Variants in PRDM16 observed in about 807,000 individuals in gnomAD.
PRDM16 encodes the protein histone-lysine N-methyltransferase PRDM16.
PRDM16 carries 23 observed loss-of-function variants against 110.6 expected under a neutral mutation model. The ratio of observed to expected loss-of-function variants is 0.21; its 90% CI spans 0.15 to 0.29. The LOEUF (loss-of-function observed/expected upper bound fraction) is 0.29, where lower values mean the gene tolerates loss of function less well. Among genes scored for constraint, PRDM16 ranks in the 10% least tolerant of loss-of-function variants. The probability of loss-of-function intolerance (pLI) is 1.00; values close to 1 mark genes in which losing one functional copy is unlikely to be tolerated. For synonymous variants in PRDM16, 799 were observed against 781.8 expected (o/e 1.02, Z -0.37); for missense variants, 1,615 against 1,794.3 (o/e 0.90, Z 1.81).
At position 3,244,688 on chromosome 1, in the gene PRDM16, A is replaced by G. The variant is rs1042199863; in HGVS notation, c.438+551A>G. On this transcript the variant is annotated intron_variant, in intron 3 of 16. Transcript: ENST00000270722. The surrounding 1 kb of genome is among the most constrained non-coding windows in gnomAD (Gnocchi z 4.1). ...CGGCTGGTGGACAAACATTAGGTCT[A>G]ACAGATCCAGAGGGAGAACCATGTG... Among the ~76,000 whole-genome samples, 7 of 152,084 alleles carry G rather than the reference A, an allele frequency of 4.6e-5. No homozygotes were observed. The highest frequency in any genetic ancestry group is 5.9e-5 in the Non-Finnish European group (4 of 68,020).
chr1:3,329,112 C>A (rs1239420951), intron 3 of PRDM16, among the ~76,000 whole-genome samples: 4 of 152,230 alleles, frequency 2.6e-5, no homozygotes, highest in African/African-American at 7.2e-5. Context: ...CCTCTGCCCC[C>A]AAGGGCCTCC....
chr1:3,179,649 G>A (rs78085061), intron 1 of PRDM16, among the ~76,000 whole-genome samples: 2,058 of 152,334 alleles, frequency 0.014, 85 homozygotes, highest in East Asian at 0.11. Flanking sequence ...CAGCAGGCCC[G>A]CATGGCACCG....
chr1:3,145,017 C>T (rs1347883994), intron 1 of PRDM16, among the ~76,000 whole-genome samples: 1 of 152,212 alleles, frequency 6.6e-6, no homozygotes, highest in Non-Finnish European at 1.5e-5. Flanking sequence ...GCCTCAGCCC[C>T]TCTGCCCACT....
chr1:3,237,357 C>A (rs996890352), intron 2 of PRDM16, among the ~76,000 whole-genome samples: 1 of 152,144 alleles, frequency 6.6e-6, no homozygotes, highest in Admixed American at 6.5e-5. Context: ...ACCTCCTGGG[C>A]TCCCCACCCC....
At position 3,274,949 on chromosome 1, in the gene PRDM16, T is replaced by TA. The variant is rs1371289095; in HGVS notation, c.438+30813dup. Among the ~76,000 whole-genome samples, 4 of 152,302 alleles carry TA rather than the reference T, an allele frequency of 2.6e-5. No homozygotes were observed. In the East Asian group the frequency reaches 5.8e-4, roughly 22 times the overall value. On this transcript the variant is annotated intron_variant, in intron 3 of 16. Transcript: ENST00000270722. Reference sequence around the variant, plus strand: ...GCTCTGGGGATGCAGGATGCACAGATATGCTGGGAACTTGCTCGAGATTTG... The same window carrying TA: ...GCTCTGGGGATGCAGGATGCACAGATAATGCTGGGAACTTGCTCGAGATTTG...
chr1:3,254,386 G>A (rs1172851539), intron 3 of PRDM16, among the ~76,000 whole-genome samples: 8 of 152,216 alleles, frequency 5.3e-5, no homozygotes, highest in African/African-American at 7.2e-5. Context: ...GTTTGCAGAT[G>A]ACATGATTGT....
chr1:3,082,734 C>T (rs148502933), intron 1 of PRDM16, among the ~76,000 whole-genome samples: 46 of 152,300 alleles, frequency 3.0e-4, no homozygotes, highest in African/African-American at 8.7e-4. Context: ...AGGTGGGGTG[C>T]GCTTCATCTC....
intron 1 of PRDM16, among the ~76,000 whole-genome samples, chr1:3,130,993 G>A (rs887790771): frequency 6.6e-5 from 10 of 152,022 alleles, no homozygotes; most frequent in East Asian, 5.8e-4. Context: ...TGACCCGTCC[G>A]TGTTTATCCT....
In PRDM16 at chr1:3,069,731, G is replaced by A. The variant is rs1390961111; in HGVS notation, c.37+435G>A. Among the ~76,000 whole-genome samples the A allele has an allele frequency of 6.6e-6, 1 of 152,058 alleles. No homozygotes were observed. The highest frequency in any genetic ancestry group is 1.5e-5 in the Non-Finnish European group (1 of 67,982). On this transcript the variant is annotated intron_variant, in intron 1 of 16. Coordinates refer to ENST00000270722, the MANE Select transcript of PRDM16 (RefSeq NM_022114.4). The surrounding 1 kb of genome is among the most constrained non-coding windows in gnomAD (Gnocchi z 6.1). ...CTCTCTCCCTCTCTCTCTCCGAGTG[G>A]CTCTCAGTCCTGGTCAAATCATATT... is the stretch of plus-strand genomic sequence containing the variant.
intron 3 of PRDM16, among the ~76,000 whole-genome samples, chr1:3,364,825 G>A (rs1363809981): frequency 2.0e-5 from 3 of 152,254 alleles, no homozygotes; most frequent in South Asian, 2.1e-4. Flanking sequence ...AGCAGGACAC[G>A]TTGCTTCGGA....
At chr1:3,154,442 T>C (rs1466202477) in intron 1 of PRDM16, among the ~76,000 whole-genome samples, 3 of 152,124 alleles carry the variant, frequency 2.0e-5, no homozygotes, top group Non-Finnish European at 2.9e-5. Flanking sequence ...GTGGAGGCGT[T>C]GTCAGGACGG....
At chr1:3,176,698 A>G (rs1313357165) in intron 1 of PRDM16, among the ~76,000 whole-genome samples, 1 of 147,444 alleles carries the variant, frequency 6.8e-6, no homozygotes, top group Non-Finnish European at 1.5e-5. Context: ...TTCATCCACC[A>G]TCTGTCCATC....
At chr1:3,090,188 G>A (rs547307925) in intron 1 of PRDM16, among the ~76,000 whole-genome samples, 10 of 152,336 alleles carry the variant, frequency 6.6e-5, no homozygotes, top group Non-Finnish European at 1.3e-4. Context: ...GATGCACCCC[G>A]AACGCCACCA....
chr1:3,267,398 T>C (rs1217152433), intron 3 of PRDM16, among the ~76,000 whole-genome samples: 1 of 152,220 alleles, frequency 6.6e-6, no homozygotes, highest in East Asian at 1.9e-4. Flanking sequence ...GGCCACACCT[T>C]TTCTATCCAC....
chr1:3,104,567 C>A (rs1211102413), intron 1 of PRDM16, among the ~76,000 whole-genome samples: 1 of 152,186 alleles, frequency 6.6e-6, no homozygotes, highest in Non-Finnish European at 1.5e-5. Flanking sequence ...CTCAAGAAGC[C>A]CTCAGTCCAG....
At chr1:3,162,645 C>T (rs1348777203) in intron 1 of PRDM16, among the ~76,000 whole-genome samples, 3 of 152,214 alleles carry the variant, frequency 2.0e-5, no homozygotes, top group Non-Finnish European at 4.4e-5. Context: ...CGAGCCCGTG[C>T]GCCGATGGAG....
intron 3 of PRDM16, among the ~76,000 whole-genome samples, chr1:3,311,184 G>A (rs1351143639): frequency 4.6e-5 from 7 of 152,306 alleles, no homozygotes; most frequent in South Asian, 4.1e-4. Flanking sequence ...CGGAGCCGTC[G>A]CTTCCCACTA....
intron 3 of PRDM16, among the ~76,000 whole-genome samples, chr1:3,304,914 G>A (rs998222971): frequency 1.3e-5 from 2 of 152,034 alleles, no homozygotes; most frequent in African/African-American, 2.4e-5. Flanking sequence ...CCTGCCCTCC[G>A]CTGCCACCCA....
intron 2 of PRDM16, among the ~76,000 whole-genome samples, chr1:3,236,686 T>C (rs1639548240): frequency 6.6e-6 from 1 of 152,188 alleles, no homozygotes; most frequent in Non-Finnish European, 1.5e-5. Flanking sequence ...CAGGGTCCAC[T>C]CACCTTGATC....
Sources: gnomAD v4.1 joint callset for allele counts (sites outside exome capture counted in the v4.1 genomes callset) on GRCh38, gnomAD v4.1.1 for gene constraint, Gnocchi (gnomAD v3.1) non-coding constraint, MANE v1.5 for transcripts, NCBI Gene and HGNC (gene_info 2026-07-23, HGNC 2026-07-21) for gene names.